Variants in GPC6 observed in about 807,000 individuals in gnomAD.
GPC6 encodes the protein glypican 6.
GPC6 carries 14 observed loss-of-function variants against 55.2 expected under a neutral mutation model. That is an observed-to-expected ratio of 0.25 (90% CI 0.17 to 0.40). The LOEUF (loss-of-function observed/expected upper bound fraction) is 0.40. Among genes scored for constraint, GPC6 ranks in the 10% least tolerant of loss-of-function variants. The pLI, the probability that GPC6 is intolerant of heterozygous loss-of-function variation, is 1.00. For missense variants in GPC6, 641 were observed against 708.5 expected (o/e 0.90, Z 1.08); for synonymous variants, 278 against 259.6 (o/e 1.07, Z -0.68).
At chr13:93,674,811 T>C (rs1473415994) in intron 2 of GPC6, among the ~76,000 whole-genome samples, 2 of 148,560 alleles carry the variant, frequency 1.3e-5, no homozygotes, top group African/African-American at 5.0e-5. Context: ...TTTAGTTGCT[T>C]GTGGCAAAGT....
At chr13:94,018,491 A>G (rs1421431583) in intron 3 of GPC6, among the ~76,000 whole-genome samples, 1 of 151,940 alleles carries the variant, frequency 6.6e-6, no homozygotes, top group Admixed American at 6.6e-5. Flanking sequence ...GGGTTTCACC[A>G]TGTTGGCCAG....
At chr13:94,104,277 G>T (rs550426185) in intron 4 of GPC6, among the ~76,000 whole-genome samples, 1 of 152,100 alleles carries the variant, frequency 6.6e-6, no homozygotes, top group East Asian at 1.9e-4. Context: ...TGCTGTTTTG[G>T]TTACTGTAGC....
At chr13:93,250,224 G>C (rs889296959) in intron 1 of GPC6, among the ~76,000 whole-genome samples, 17 of 152,188 alleles carry the variant, frequency 1.1e-4, no homozygotes, top group African/African-American at 3.9e-4. Flanking sequence ...AAGTACGAAA[G>C]GCTGTACACA....
chr13:93,522,470 C>T (rs974454173), intron 1 of GPC6, among the ~76,000 whole-genome samples: 1 of 151,936 alleles, frequency 6.6e-6, no homozygotes, highest in African/African-American at 2.4e-5. Context: ...ACATCCCTGA[C>T]AAATGTTTAT....
chr13:93,427,211 A>G (rs1877172769), intron 1 of GPC6, among the ~76,000 whole-genome samples: 1 of 152,124 alleles, frequency 6.6e-6, no homozygotes, highest in Admixed American at 6.6e-5. Flanking sequence ...ATCTCCATCA[A>G]GCTACCAATG....
chr13:93,621,398 A>G (rs1878945266), intron 2 of GPC6, among the ~76,000 whole-genome samples: 1 of 152,182 alleles, frequency 6.6e-6, no homozygotes, highest in African/African-American at 2.4e-5. Flanking sequence ...TATTCAAATA[A>G]GACCATAAAA....
chr13:94,139,996 T>C (rs1887319034), intron 4 of GPC6, among the ~76,000 whole-genome samples: 1 of 152,192 alleles, frequency 6.6e-6, no homozygotes, highest in Non-Finnish European at 1.5e-5. Flanking sequence ...AGAATTTATA[T>C]TTTCATTCAT....
Position 93,276,495 on chromosome 13 carries a change from AGTGTGTGT to A in GPC6, c.160+48904_160+48911del, listed in dbSNP as rs71675979. Among the ~76,000 whole-genome samples, 871 of 94,318 alleles carry A rather than the reference AGTGTGTGT, an allele frequency of 9.2e-3. 3 individuals are homozygous for A. The highest frequency in any genetic ancestry group is 0.037 in the African/African-American group (814 of 22,272). 61.9% of individuals were successfully genotyped at this position (94,318 alleles called of 152,430 possible). ...GAGAGAGAGAGAGAGAGAGAGAGAG[AGTGTGTGT>A]GTGTGTGTGTGTGTGTGTGTGTGTA... On this transcript the variant is annotated intron_variant, in intron 1 of 8. Transcript: ENST00000377047.
chr13:94,258,024 CT>C (rs1891554582), intron 4 of GPC6, among the ~76,000 whole-genome samples: 1 of 152,034 alleles, frequency 6.6e-6, no homozygotes, highest in Non-Finnish European at 1.5e-5. Flanking sequence ...AAAGTTAATA[CT>C]TTTTAGAAGG....
At chr13:94,030,526 A>G (rs1022828580) in intron 4 of GPC6, among the ~76,000 whole-genome samples, 7 of 152,210 alleles carry the variant, frequency 4.6e-5, no homozygotes, top group African/African-American at 1.7e-4. Flanking sequence ...ACACAGATAC[A>G]TCTCAGATGA....
intron 1 of GPC6, among the ~76,000 whole-genome samples, chr13:93,276,458 CAGAGAGAGAGAGAGAGAG>C (rs144297308): frequency 3.4e-5 from 4 of 117,548 alleles, no homozygotes; most frequent in African/African-American, 9.8e-5. Flanking sequence ...CTGGCCTTTT[CAGAGAGAGAGAGAGAGAG>C]AGAGAGAGAG....
intron 1 of GPC6, among the ~76,000 whole-genome samples, chr13:93,516,931 T>G (rs9589759): frequency 2.6e-4 from 40 of 152,258 alleles, no homozygotes; most frequent in African/African-American, 9.4e-4. Context: ...GGACTGTATG[T>G]GGTGGGGCCA....
chr13:93,863,180 A>G (rs1256403336), intron 3 of GPC6, among the ~76,000 whole-genome samples: 1 of 151,750 alleles, frequency 6.6e-6, no homozygotes, highest in African/African-American at 2.4e-5. Context: ...ACTCTGGGTC[A>G]TCAAACTACA....
At chr13:93,312,511 C>CT (rs1375272046) in intron 1 of GPC6, among the ~76,000 whole-genome samples, 2 of 151,992 alleles carry the variant, frequency 1.3e-5, no homozygotes, top group South Asian at 2.1e-4. Flanking sequence ...ATCCTGCTTT[C>CT]TTTTTTTTCT....
chr13:93,632,068 C>T (rs1879467024), intron 2 of GPC6, among the ~76,000 whole-genome samples: 1 of 152,092 alleles, frequency 6.6e-6, no homozygotes, highest in South Asian at 2.1e-4. Context: ...ATTTCAGATT[C>T]CAAAGTACTT....
At chr13:93,735,710 T>G (rs1883976496) in intron 2 of GPC6, among the ~76,000 whole-genome samples, 1 of 152,176 alleles carries the variant, frequency 6.6e-6, no homozygotes, top group Admixed American at 6.5e-5. Context: ...GCCAAAATAA[T>G]AATCACTACC....
intron 2 of GPC6, among the ~76,000 whole-genome samples, chr13:93,551,951 A>G (rs961754888): frequency 6.6e-6 from 1 of 152,204 alleles, no homozygotes; most frequent in African/African-American, 2.4e-5. Context: ...CTATGATGTT[A>G]TTAATGTTAT....
At chr13:94,188,229 AG>A (rs1276916379) in intron 4 of GPC6, among the ~76,000 whole-genome samples, 1 of 152,188 alleles carries the variant, frequency 6.6e-6, no homozygotes, top group Non-Finnish European at 1.5e-5. Flanking sequence ...TGAGCCCAAA[AG>A]CAAGGCAGTG....
intron 1 of GPC6, among the ~76,000 whole-genome samples, chr13:93,516,136 G>A (rs1224052117): frequency 6.6e-6 from 1 of 152,146 alleles, no homozygotes; most frequent in Non-Finnish European, 1.5e-5. Context: ...AATCTTAAAA[G>A]CCAGTGTGTG....
Sources: allele counts gnomAD v4.1 joint callset (sites outside exome capture counted in the v4.1 genomes callset), GRCh38; gene constraint gnomAD v4.1.1; transcripts MANE v1.5; gene names NCBI Gene and HGNC (gene_info 2026-07-23, HGNC 2026-07-21).